Variants in GAN observed in about 807,000 individuals in gnomAD.
GAN encodes the protein gigaxonin, also known as epididymis secretory sperm binding protein.
GAN carries 48 observed loss-of-function variants against 71.3 expected under a neutral mutation model. The observed-to-expected ratio is 0.67, with a 90% confidence interval of 0.53 to 0.86. The LOEUF (loss-of-function observed/expected upper bound fraction) is 0.86, where lower values mean the gene tolerates loss of function less well. GAN is among the 40% of genes least tolerant of loss of function. GAN has a pLI of 0.00. For missense variants in GAN, 928 were observed against 770.1 expected (o/e 1.21, Z -2.43); for synonymous variants, 386 against 276.8 (o/e 1.39, Z -3.92).
At chr16:81,352,356 C>A (rs1011043239) in intron 2 of GAN, among the ~76,000 whole-genome samples, 12 of 152,136 alleles carry the variant, frequency 7.9e-5, no homozygotes, top group African/African-American at 2.9e-4. Flanking sequence ...TGCCCTCCTC[C>A]GACTACCCAT....
At chr16:81,346,235 G>C (rs1477460189) in intron 1 of GAN, among the ~76,000 whole-genome samples, 1 of 152,196 alleles carries the variant, frequency 6.6e-6, no homozygotes, top group Non-Finnish European at 1.5e-5. Context: ...GGACTGGCCA[G>C]TAAGAAGTAA....
At chr16:81,371,100 T>A (rs1281503473) in intron 9 of GAN, among the ~76,000 whole-genome samples, 1 of 152,224 alleles carries the variant, frequency 6.6e-6, no homozygotes, top group Non-Finnish European at 1.5e-5. Context: ...AGTGAATTTT[T>A]TATTTCAAAT....
chr16:81,345,775 T>G (rs1910098425), intron 1 of GAN, among the ~76,000 whole-genome samples: 1 of 152,192 alleles, frequency 6.6e-6, no homozygotes, highest in African/African-American at 2.4e-5. Flanking sequence ...TCTTGTAACC[T>G]TTTCCCTGAT....
Position 81,330,881 on chromosome 16 carries a change from C to T in GAN, c.167+15601C>T, listed in dbSNP as rs1316157205. On this transcript the variant is annotated intron_variant, in intron 1 of 10. Transcript: ENST00000648994. ...CTGATACGATATTTCCGTAGTGTAT[C>T]TGCTAAAAATGCATAACCTCAGTGG... 4.6e-5 allele frequency among the ~76,000 whole-genome samples: 7 copies of T among 152,156 alleles called. No individual in the cohort carries two copies. The East Asian group carries it at 1.3e-3, about 29-fold the overall frequency.
In GAN at chr16:81,385,316, C is replaced by T. The variant is rs902089896; in HGVS notation, c.*7720C>T. On this transcript the variant is annotated 3_prime_UTR_variant, in exon 11 of 11. Coordinates refer to ENST00000648994, the MANE Select transcript of GAN (RefSeq NM_022041.4). ...AGGCTTATTCCTTTAACTTAAACCCCAAACTTTGTTATTTTAATTATTTTC... is the reference window on the plus strand; with the variant it reads ...AGGCTTATTCCTTTAACTTAAACCCTAAACTTTGTTATTTTAATTATTTTC... The T allele has an allele frequency of 6.6e-6, 1 of 152,148 alleles. No homozygotes were observed. The highest frequency in any genetic ancestry group is 6.5e-5 in the Admixed American group (1 of 15,276). 9.4% of individuals were successfully genotyped at this position (152,148 alleles called of 1,614,324 possible).
chr16:81,359,230 A>G (rs2150688359), intron 5 of GAN, among the ~76,000 whole-genome samples: 1 of 152,228 alleles, frequency 6.6e-6, no homozygotes, highest in East Asian at 1.9e-4. Flanking sequence ...CATATTCCTA[A>G]TTTTCACACA....
intron 1 of GAN, among the ~76,000 whole-genome samples, chr16:81,340,426 T>C (rs1360885856): frequency 6.6e-6 from 1 of 152,156 alleles, no homozygotes; most frequent in Non-Finnish European, 1.5e-5. Flanking sequence ...GGGCGAAGCT[T>C]CCAGAGGAAG....
At chr16:81,364,252 C>T (rs1039780347) in intron 7 of GAN, among the ~76,000 whole-genome samples, 2 of 152,092 alleles carry the variant, frequency 1.3e-5, no homozygotes, top group African/African-American at 2.4e-5. Context: ...CTGTCTTTCC[C>T]TCTCTTACTC....
At chr16:81,359,548 A>C (rs1910603578) in intron 5 of GAN, among the ~76,000 whole-genome samples, 1 of 152,146 alleles carries the variant, frequency 6.6e-6, no homozygotes. Flanking sequence ...GCCTGTATTA[A>C]GTTAGCAAAG....
In GAN at chr16:81,354,589, A is replaced by G; in HGVS notation, c.467A>G (p.Tyr156Cys). The G allele has an allele frequency of 6.2e-7, 1 of 1,614,162 alleles. No individual in the cohort carries two copies. The highest frequency in any genetic ancestry group is 1.1e-5 in the South Asian group (1 of 91,076). ...LHHVHYLATE[Y>C]LETHFRDVSS... Reference sequence around the variant, plus strand: ...CACGTTCATTACCTTGCCACAGAATACCTGGAGACTCATTTCCGAGACGTC... The same window carrying G: ...CACGTTCATTACCTTGCCACAGAATGCCTGGAGACTCATTTCCGAGACGTC... Residue 156 changes from tyrosine to cysteine, a missense_variant, in exon 3 of 11, where the codon TAC becomes TGC. Transcript: ENST00000648994.
At chr16:81,367,357 T>A (rs1346900022) in intron 9 of GAN, among the ~76,000 whole-genome samples, 4 of 151,756 alleles carry the variant, frequency 2.6e-5, no homozygotes, top group Admixed American at 2.0e-4. Context: ...ACCCTGTCTC[T>A]ACTAAAAGTA....
intron 1 of GAN, among the ~76,000 whole-genome samples, chr16:81,346,839 A>G (rs554052563): frequency 2.0e-5 from 3 of 152,324 alleles, no homozygotes; most frequent in Non-Finnish European, 4.4e-5. Flanking sequence ...CTTCACCAGA[A>G]CCAGCAAGCA....
intron 6 of GAN, among the ~76,000 whole-genome samples, chr16:81,362,927 C>T (rs142060081): frequency 8.5e-5 from 13 of 152,196 alleles, no homozygotes; most frequent in Non-Finnish European, 1.8e-4. Context: ...TGCCTCTTAG[C>T]TTTCCTGTCC....
intron 1 of GAN, among the ~76,000 whole-genome samples, chr16:81,333,029 G>A (rs1354254656): frequency 3.3e-5 from 5 of 152,086 alleles, no homozygotes; most frequent in African/African-American, 1.2e-4. Flanking sequence ...CACAAGGTCA[G>A]GAGATCGAGA....
chr16:81,346,241 A>T (rs1035801492), intron 1 of GAN, among the ~76,000 whole-genome samples: 1 of 152,232 alleles, frequency 6.6e-6, no homozygotes, highest in Admixed American at 6.5e-5. Flanking sequence ...GCCAGTAAGA[A>T]GTAAAGAAAA....
intron 7 of GAN, 24 bp from the exon 8 acceptor site, chr16:81,364,950 C>A (rs902203235): frequency 6.2e-7 from 1 of 1,612,754 alleles, no homozygotes; most frequent in Admixed American, 1.7e-5. Flanking sequence ...TTGCCTCTCC[C>A]CCACCATTGT....
chr16:81,350,699 A>C (rs1231679053), intron 1 of GAN, among the ~76,000 whole-genome samples: 1 of 151,838 alleles, frequency 6.6e-6, no homozygotes, highest in Non-Finnish European at 1.5e-5. Flanking sequence ...TTGCATTTTT[A>C]GTAGAGATGG....
In GAN at chr16:81,362,748, T is replaced by C; in HGVS notation, c.1086+137T>C. The stretch of plus-strand genomic sequence containing the variant: ...CCTCATTCGCTCCAACCTCTCCTTC[T>C]AGTGCCCGGCTCTCCTCCCCTTCCT... On this transcript the variant is annotated intron_variant, in intron 6 of 10. Coordinates refer to ENST00000648994, the MANE Select transcript of GAN (RefSeq NM_022041.4). The C allele has an allele frequency of 4.8e-5, 34 of 703,228 alleles. No individual in the cohort carries two copies. In the South Asian group the frequency reaches 5.1e-4, roughly 10 times the overall value. The allele number at this position is 703,228 out of a possible 1,614,324, so 43.6% of individuals were successfully genotyped here.
At position 81,377,093 on chromosome 16, in the gene GAN, G is replaced by A. The variant is rs753915437; in HGVS notation, c.1503-126G>A. ...GTCGGTGGTTACCTGGCAGTGGAAC[G>A]TGGGGTCGAGATTGGCACAGTGCCT... is the stretch of plus-strand genomic sequence containing the variant. On this transcript the variant is annotated intron_variant, in intron 9 of 10. Coordinates refer to ENST00000648994, the MANE Select transcript of GAN (RefSeq NM_022041.4). The A allele has an allele frequency of 7.1e-5, 55 of 773,138 alleles. 2 individuals carry two copies. The highest frequency in any genetic ancestry group is 3.8e-4 in the South Asian group (28 of 73,354). 47.9% of individuals were successfully genotyped at this position (773,138 alleles called of 1,614,324 possible). A position where few individuals can be genotyped will look rare whatever the true frequency, so the allele number is the denominator to read the frequency against.
Sources: allele counts gnomAD v4.1 joint callset (sites outside exome capture counted in the v4.1 genomes callset), GRCh38; gene constraint gnomAD v4.1.1; transcripts MANE v1.5; gene names NCBI Gene and HGNC (gene_info 2026-07-23, HGNC 2026-07-21).